SHC3: variants seen among roughly 807,000 people sequenced by gnomAD.
SHC3 encodes SHC-transforming protein 3.
SHC3 carries 15 observed loss-of-function variants against 60.4 expected under a neutral mutation model. The observed-to-expected ratio is 0.25, with a 90% CI of 0.17 to 0.38. SHC3 has a LOEUF of 0.38. SHC3 is among the 10% of genes least tolerant of loss of function. The pLI, the probability that SHC3 is intolerant of heterozygous loss-of-function variation, is 1.00. For missense variants in SHC3, 677 were observed against 786.1 expected (o/e 0.86, Z 1.66); for synonymous variants, 294 against 325.9 (o/e 0.90, Z 1.05).
At chr9:89,064,442 G>C (rs1008822170) in intron 6 of SHC3, among the ~76,000 whole-genome samples, 6 of 152,190 alleles carry the variant, frequency 3.9e-5, no homozygotes, top group Non-Finnish European at 7.3e-5. Flanking sequence ...TGTATTGTGG[G>C]CAGAAAGTAC....
chr9:89,047,790 A>G (rs1010068450), intron 7 of SHC3, among the ~76,000 whole-genome samples: 1 of 152,234 alleles, frequency 6.6e-6, no homozygotes, highest in African/African-American at 2.4e-5. Context: ...CACATTGCTC[A>G]TGGGACTGTA....
At chr9:89,118,281 C>T (rs1480017565) in intron 1 of SHC3, among the ~76,000 whole-genome samples, 1 of 144,726 alleles carries the variant, frequency 6.9e-6, no homozygotes, top group Non-Finnish European at 1.5e-5. Context: ...AAAGAGAAAA[C>T]TCAAGCAGTG....
intron 6 of SHC3, among the ~76,000 whole-genome samples, chr9:89,054,940 C>A (rs1286769966): frequency 6.6e-6 from 1 of 152,222 alleles, no homozygotes; most frequent in Non-Finnish European, 1.5e-5. Context: ...GAGCACTAGC[C>A]CAAGCTGCCC....
intron 2 of SHC3, among the ~76,000 whole-genome samples, chr9:89,097,833 G>A (rs2118073711): frequency 6.6e-6 from 1 of 152,238 alleles, no homozygotes; most frequent in African/African-American, 2.4e-5. Context: ...TTTAGACTTT[G>A]TGCTTTTTCA....
intron 1 of SHC3, among the ~76,000 whole-genome samples, chr9:89,165,592 T>C (rs1023685643): frequency 6.7e-6 from 1 of 149,548 alleles, no homozygotes; most frequent in Admixed American, 6.7e-5. Context: ...AAGAAAAACT[T>C]GAAACCCTTT....
chr9:89,168,035 C>T (rs1177185055), intron 1 of SHC3, among the ~76,000 whole-genome samples: 1 of 152,242 alleles, frequency 6.6e-6, no homozygotes, highest in Non-Finnish European at 1.5e-5. Flanking sequence ...TGGGCCCTTG[C>T]CACTTAGCCC....
chr9:89,150,723 C>T (rs1049084378), intron 1 of SHC3, among the ~76,000 whole-genome samples: 1 of 152,052 alleles, frequency 6.6e-6, no homozygotes, highest in Non-Finnish European at 1.5e-5. Flanking sequence ...GGGTATATAC[C>T]TGTGAGTGGA....
rs1233135609 is a variant in SHC3, at chr9:89,012,960, T to G, written c.*487A>C. On this transcript the variant is annotated 3_prime_UTR_variant, in exon 12 of 12. Coordinates refer to ENST00000375835, the MANE Select transcript of SHC3 (RefSeq NM_016848.6). ...TGCCTCAGAACCAGTATCTCATAGC[T>G]TTCAGTGCAGGGCTAGGCATGCTCT... The G allele has an allele frequency of 1.3e-5, 2 of 152,174 alleles. No individual in the cohort carries two copies. The highest frequency in any genetic ancestry group is 4.8e-5 in the African/African-American group (2 of 41,398). 9.4% of individuals were successfully genotyped at this position (152,174 alleles called of 1,614,324 possible). A position where few individuals can be genotyped will look rare whatever the true frequency, so the allele number is the denominator to read the frequency against.
At chr9:89,051,935 T>G in intron 7 of SHC3, 102 bp downstream of exon 7, 3 of 1,510,296 alleles carry the variant, frequency 2.0e-6, no homozygotes, top group East Asian at 4.8e-5. Context: ...AGCCCTGTGA[T>G]TAATTGTGCC....
At chr9:89,095,895 A>C (rs1825694134) in intron 2 of SHC3, among the ~76,000 whole-genome samples, 2 of 152,106 alleles carry the variant, frequency 1.3e-5, no homozygotes, top group Non-Finnish European at 1.5e-5. Context: ...TGAGGCTATA[A>C]ATAATTGAGC....
At chr9:89,164,395 G>A (rs1243176344) in intron 1 of SHC3, among the ~76,000 whole-genome samples, 1 of 152,142 alleles carries the variant, frequency 6.6e-6, no homozygotes, top group Non-Finnish European at 1.5e-5. Context: ...GAGAAGGAGA[G>A]AAGGGGCCCA....
At chr9:89,133,401 C>G (rs1826276805) in intron 1 of SHC3, among the ~76,000 whole-genome samples, 1 of 152,168 alleles carries the variant, frequency 6.6e-6, no homozygotes, top group Non-Finnish European at 1.5e-5. Context: ...CCCAGTGATT[C>G]CATTACTAGG....
Position 89,031,217 on chromosome 9 carries a change from A to G in SHC3, c.1656+6776T>C, listed in dbSNP as rs144604320. 2.5e-3 allele frequency among the ~76,000 whole-genome samples: 380 copies of G among 152,300 alleles called. 3 individuals carry two copies. Among genetic ancestry groups the G allele is most frequent in the South Asian group, 8.9e-3 (43 of 4,822 alleles). ...TTTCTATAAACTGGCAGATACAGAG[A>G]TTCTTTTTACACAGCTTCATTGAGA... On this transcript the variant is annotated intron_variant, in intron 11 of 11. Coordinates refer to ENST00000375835, the MANE Select transcript of SHC3 (RefSeq NM_016848.6).
rs780992469 is a variant in SHC3 at position 89,013,522 on chromosome 9, G to A, written c.1710C>T (p.His570=). 1.9e-6 allele frequency: 3 copies of A among 1,614,102 alleles called. No homozygotes were observed. The highest frequency in any genetic ancestry group is 1.7e-5 in the Admixed American group (1 of 60,008). ...AGACAATGGGCAGGCTGCTTTCTAG[G>A]TGGTGGTTGATGAGGTGGCTGATAC... ...FDSISHLINH[H]LESSLPIVSA... is the part of the protein sequence containing the mutation. The change falls in exon 12 of 12, where the codon CAC becomes CAT. Residue 570 remains histidine (H), a synonymous_variant. Coordinates refer to ENST00000375835, the MANE Select transcript of SHC3 (RefSeq NM_016848.6).
In SHC3 at chr9:89,178,366, C is replaced by G. The variant is rs1407014377; in HGVS notation, c.95G>C (p.Gly32Ala). 6.3e-7 allele frequency: 1 copy of G among 1,589,162 alleles called. No individual in the cohort carries two copies. Residue 32 changes from glycine to alanine, a missense_variant, in exon 1 of 12, where the codon GGC (glycine) becomes GCC (alanine). Physicochemically the swap from Gly to Ala is moderately conservative, Grantham distance 60 (BLOSUM62 0). Transcript: ENST00000375835. The surrounding 1 kb of genome is among the most constrained non-coding windows in gnomAD (Gnocchi z 6.9). ...LHSLSVSGGG[G>A]KVSAARATPA... ...GGTCGCGCGCGCCGCCGAAACCTTGCCTCCGCCGCCGCTCACCGACAGGCT... is the reference window on the plus strand; with the variant it reads ...GGTCGCGCGCGCCGCCGAAACCTTGGCTCCGCCGCCGCTCACCGACAGGCT...
intron 11 of SHC3, among the ~76,000 whole-genome samples, chr9:89,029,152 T>G (rs1196406221): frequency 6.6e-6 from 1 of 151,532 alleles, no homozygotes; most frequent in African/African-American, 2.4e-5. Flanking sequence ...ACAAGGTCAA[T>G]CCAGAAGGTC....
intron 6 of SHC3, among the ~76,000 whole-genome samples, chr9:89,052,405 ATAAAT>A (rs975522019): frequency 4.7e-4 from 71 of 152,374 alleles, no homozygotes; most frequent in African/African-American, 1.6e-3. Flanking sequence ...TCATTTTTAA[ATAAAT>A]TAAAGATTTT....
At chr9:89,104,884 T>C (rs1007221056) in intron 2 of SHC3, among the ~76,000 whole-genome samples, 1 of 151,094 alleles carries the variant, frequency 6.6e-6, no homozygotes, top group Non-Finnish European at 1.5e-5. Context: ...TGTTGTTACA[T>C]ATCCTTTTAC....
At chr9:89,100,436 A>G (rs1005576747) in intron 2 of SHC3, among the ~76,000 whole-genome samples, 1 of 152,092 alleles carries the variant, frequency 6.6e-6, no homozygotes, top group African/African-American at 2.4e-5. Context: ...TAGGGGTCTC[A>G]CTATGTTGCG....
Sources: allele counts gnomAD v4.1 joint callset (sites outside exome capture counted in the v4.1 genomes callset), GRCh38; gene constraint gnomAD v4.1.1; non-coding constraint Gnocchi (gnomAD v3.1); transcripts MANE v1.5; gene names NCBI Gene and HGNC (gene_info 2026-07-23, HGNC 2026-07-21).